The following PKNOX2 variants were observed in gnomAD, a reference collection of about 807,000 sequenced individuals.
PKNOX2 encodes the protein homeobox protein PKNOX2.
A neutral mutation model predicts 53.1 loss-of-function variants in PKNOX2; 14 were observed. That is an observed-to-expected ratio of 0.26 (90% CI 0.17 to 0.41). The LOEUF (loss-of-function observed/expected upper bound fraction) is 0.41, where lower values mean the gene tolerates loss of function less well. Ranked by LOEUF, PKNOX2 falls within the 10% of genes least tolerant of loss-of-function variation. The pLI, the probability that PKNOX2 is intolerant of heterozygous loss-of-function variation, is 1.00. For missense variants in PKNOX2, 496 were observed against 602.8 expected (o/e 0.82, Z 1.85); for synonymous variants, 257 against 242.8 (o/e 1.06, Z -0.54).
chr11:125,266,039 G>A (rs774934154), intron 2 of PKNOX2, among the ~76,000 whole-genome samples: 13 of 152,254 alleles, frequency 8.5e-5, no homozygotes, highest in Middle Eastern at 6.8e-3. Context: ...TCTCTGCCCC[G>A]AGGCAGGTCA....
At chr11:125,257,838 C>G (rs56235868) in intron 2 of PKNOX2, among the ~76,000 whole-genome samples, 1 of 152,148 alleles carries the variant, frequency 6.6e-6, no homozygotes, top group African/African-American at 2.4e-5. Flanking sequence ...CATGAGAGCT[C>G]GGAGGCTCAG....
intron 10 of PKNOX2, among the ~76,000 whole-genome samples, chr11:125,420,483 G>T (rs1002434647): frequency 6.6e-6 from 1 of 151,694 alleles, no homozygotes; most frequent in Admixed American, 6.6e-5. Flanking sequence ...CTGAGATTGC[G>T]CCACTGCACT....
chr11:125,247,702 A>G (rs527422281), intron 2 of PKNOX2, among the ~76,000 whole-genome samples: 2 of 152,222 alleles, frequency 1.3e-5, no homozygotes, highest in African/African-American at 4.8e-5. Context: ...TCAGTCTGAG[A>G]GCCCTTCCAT....
rs141180751 is a variant in PKNOX2, at chr11:125,431,230, G to A, written c.1257G>A (p.Gln419=). Residue 419 remains glutamine (Q), a synonymous_variant, in exon 13 of 13, where the codon CAG becomes CAA. Coordinates refer to ENST00000298282, the MANE Select transcript of PKNOX2 (RefSeq NM_001382323.2). ...ACAGTGCCACCATGGCCATGCAGCA[G>A]GCTATGATGGCTGCACACGATGACT... ...SSDSATMAMQ[Q]AMMAAHDDSL... is the part of the protein sequence containing the mutation. The A allele has an allele frequency of 8.7e-4, 1,401 of 1,613,816 alleles. 17 individuals carry two copies. The African/African-American group carries it at 0.016, about 18-fold the overall frequency.
At chr11:125,430,986 G>A (rs1956675177) in intron 12 of PKNOX2, among the ~76,000 whole-genome samples, 180 bp from the exon 13 acceptor site, 1 of 152,234 alleles carries the variant, frequency 6.6e-6, no homozygotes, top group East Asian at 1.9e-4. Flanking sequence ...GCAGGGAGTA[G>A]CTGACTAGTG....
intron 3 of PKNOX2, among the ~76,000 whole-genome samples, chr11:125,337,693 T>C (rs937340280): frequency 6.6e-6 from 1 of 152,002 alleles, no homozygotes; most frequent in African/African-American, 2.4e-5. Flanking sequence ...CACAGGGAAA[T>C]CTCCATTTTG....
intron 3 of PKNOX2, among the ~76,000 whole-genome samples, chr11:125,339,801 C>A (rs781603791): frequency 5.9e-5 from 9 of 152,358 alleles, no homozygotes; most frequent in African/African-American, 2.2e-4. Context: ...CAGACAGCTA[C>A]GACACATTAT....
chr11:125,352,312 G>A lies in PKNOX2; in HGVS notation c.87+920G>A, dbSNP rs930690020. On this transcript the variant is annotated intron_variant, in intron 4 of 12. Coordinates refer to ENST00000298282, the MANE Select transcript of PKNOX2 (RefSeq NM_001382323.2). This position sits in a 1 kb window ranked among gnomAD's most constrained non-coding sequence, Gnocchi z 4.1. ...TAATTATTTATTGGGCACCTGTGAT[G>A]TGAAATGCACCCAGCTAGAATGTCC... is the stretch of plus-strand genomic sequence containing the variant. Among the ~76,000 whole-genome samples the A allele has an allele frequency of 6.6e-6, 1 of 152,184 alleles. No homozygotes were observed. The highest frequency in any genetic ancestry group is 1.5e-5 in the Non-Finnish European group (1 of 68,050).
intron 2 of PKNOX2, among the ~76,000 whole-genome samples, chr11:125,238,960 G>C (rs1280513977): frequency 6.6e-6 from 1 of 152,162 alleles, no homozygotes; most frequent in East Asian, 1.9e-4. Flanking sequence ...AATAGAAATG[G>C]GGTTGTATAT....
chr11:125,234,911 T>G (rs1424928805), intron 1 of PKNOX2, 134 bp from the exon 2 acceptor site: 3 of 152,644 alleles, frequency 2.0e-5, no homozygotes, highest in Non-Finnish European at 2.9e-5. Context: ...CACTCAGCAC[T>G]GCGGGCACAT....
At chr11:125,203,849 CAG>C (rs1185896606) in intron 1 of PKNOX2, among the ~76,000 whole-genome samples, 1 of 152,178 alleles carries the variant, frequency 6.6e-6, no homozygotes, top group Non-Finnish European at 1.5e-5. Flanking sequence ...GGGTAAAACT[CAG>C]AGCTCCAGAA....
At chr11:125,244,324 T>G (rs887918979) in intron 2 of PKNOX2, among the ~76,000 whole-genome samples, 1 of 152,188 alleles carries the variant, frequency 6.6e-6, no homozygotes, top group Non-Finnish European at 1.5e-5. Flanking sequence ...AGCTGCGTCC[T>G]GAGGATGGAG....
At chr11:125,236,784 G>A (rs550765780) in intron 2 of PKNOX2, among the ~76,000 whole-genome samples, 7 of 152,202 alleles carry the variant, frequency 4.6e-5, no homozygotes, top group Non-Finnish European at 1.0e-4. Flanking sequence ...AGAGGAGACG[G>A]GGAGGCAGGC....
chr11:125,235,393 T>C (rs1942588126), intron 2 of PKNOX2, among the ~76,000 whole-genome samples: 1 of 152,232 alleles, frequency 6.6e-6, no homozygotes, highest in Admixed American at 6.5e-5. Flanking sequence ...AGAAGGAAGC[T>C]CTTGAGTCTG....
chr11:125,204,038 G>A (rs1163357995), intron 1 of PKNOX2, among the ~76,000 whole-genome samples: 3 of 152,186 alleles, frequency 2.0e-5, no homozygotes, highest in South Asian at 2.1e-4. Context: ...CCCCAGAGAC[G>A]TGTGGAGAGG....
At chr11:125,416,474 T>C (rs891776707) in intron 10 of PKNOX2, among the ~76,000 whole-genome samples, 2 of 151,950 alleles carry the variant, frequency 1.3e-5, no homozygotes, top group South Asian at 4.1e-4. Flanking sequence ...CTCAAGACTT[T>C]TGAAAGCTTT....
At chr11:125,303,425 C>T (rs1175683275) in intron 2 of PKNOX2, among the ~76,000 whole-genome samples, 1 of 152,086 alleles carries the variant, frequency 6.6e-6, no homozygotes, top group Non-Finnish European at 1.5e-5. Flanking sequence ...CCCCAGCCCC[C>T]CTGCCACATT....
In PKNOX2 at chr11:125,309,130, C is replaced by CCTTTCTTTCTTT. The variant is rs143615043; in HGVS notation, c.-129-22671_-129-22660dup. ...CAGCCTGAGATCACAATTACCTCTT[C>CCTTTCTTTCTTT]CTTTCTTTCTTTCTTTCTTTCTTTC... On this transcript the variant is annotated intron_variant, in intron 2 of 12. Coordinates refer to ENST00000298282, the MANE Select transcript of PKNOX2 (RefSeq NM_001382323.2). Among the ~76,000 whole-genome samples the CCTTTCTTTCTTT allele has an allele frequency of 9.8e-3, 1,459 of 148,524 alleles. 29 individuals carry two copies. Among genetic ancestry groups the CCTTTCTTTCTTT allele is most frequent in the African/African-American group, 0.035 (1,362 of 38,856 alleles).
chr11:125,285,220 G>A (rs1946820997), intron 2 of PKNOX2, among the ~76,000 whole-genome samples: 1 of 152,150 alleles, frequency 6.6e-6, no homozygotes, highest in Non-Finnish European at 1.5e-5. Context: ...CCTGAACCAG[G>A]ACTCAGGCTG....
Sources: allele counts gnomAD v4.1 joint callset (sites outside exome capture counted in the v4.1 genomes callset), GRCh38; gene constraint gnomAD v4.1.1; non-coding constraint Gnocchi (gnomAD v3.1); transcripts MANE v1.5; gene names NCBI Gene and HGNC (gene_info 2026-07-23, HGNC 2026-07-21).